Variants in NEK5 observed in about 807,000 individuals in gnomAD.
NEK5 encodes serine/threonine-protein kinase Nek5.
A neutral mutation model predicts 109.2 loss-of-function variants in NEK5; 88 were observed. The observed-to-expected ratio is 0.81, with a 90% CI of 0.68 to 0.96. The LOEUF is 0.96. NEK5 is among the 40% of genes least tolerant of loss of function. The probability of loss-of-function intolerance (pLI) is 0.00; values close to 1 mark genes in which losing one functional copy is unlikely to be tolerated. For synonymous variants in NEK5, 283 were observed against 299.9 expected, an observed-to-expected ratio of 0.94 and a Z score of 0.58; for missense variants, 834 against 920.7, an observed-to-expected ratio of 0.91 and a Z score of 1.22.
chr13:52,072,109 T>C (rs377669657), intron 19 of NEK5, 39 bp from the exon 20 acceptor site: 36 of 1,548,972 alleles, frequency 2.3e-5, no homozygotes, highest in South Asian at 4.7e-5. Flanking sequence ...AAATTAGCCA[T>C]ATTTTGAAAG....
intron 12 of NEK5, among the ~76,000 whole-genome samples, chr13:52,096,293 G>A (rs111944623): frequency 0.1 from 15,295 of 152,184 alleles, 751 homozygotes; most frequent in Admixed American, 0.12. Flanking sequence ...TTGGAACTGG[G>A]TAATGGGCGG....
chr13:52,049,671 A>G (rs1954487752), intron 23 of NEK5, among the ~76,000 whole-genome samples: 1 of 151,914 alleles, frequency 6.6e-6, no homozygotes, highest in South Asian at 2.1e-4. Flanking sequence ...TGAACTAAAA[A>G]AAAAAAAAAA....
chr13:52,086,732 G>A (rs1013163203), intron 15 of NEK5, among the ~76,000 whole-genome samples: 9 of 152,182 alleles, frequency 5.9e-5, no homozygotes, highest in African/African-American at 2.2e-4. Context: ...AAACAGGGTC[G>A]CTGCAGATGA....
At chr13:52,128,563 C>T (rs545107351) in intron 1 of NEK5, among the ~76,000 whole-genome samples, 1 of 152,182 alleles carries the variant, frequency 6.6e-6, no homozygotes, top group African/African-American at 2.4e-5. Context: ...AATAATTTTA[C>T]GTCAGGGTGG....
At chr13:52,047,741 G>T (rs1417346483) in intron 23 of NEK5, among the ~76,000 whole-genome samples, 1 of 152,148 alleles carries the variant, frequency 6.6e-6, no homozygotes, top group Non-Finnish European at 1.5e-5. Flanking sequence ...CTATTCTGGA[G>T]CCTGAGGCAA....
rs1955830524 is a variant in NEK5, at chr13:52,115,170, T to C, written c.215-2805A>G. 2.6e-5 allele frequency among the ~76,000 whole-genome samples: 4 copies of C among 151,248 alleles called. No individual in the cohort carries two copies. The South Asian group carries it at 6.4e-4, about 24-fold the overall frequency. On this transcript the variant is annotated intron_variant, in intron 4 of 23. Transcript: ENST00000684899. ...CTGGGACTACAGGCGCCCGCCACCATGCCCGGCTAATTTTTTGTATTTTTA... is the reference window on the plus strand; with the variant it reads ...CTGGGACTACAGGCGCCCGCCACCACGCCCGGCTAATTTTTTGTATTTTTA...
chr13:52,094,696 C>T (rs1192638283), intron 12 of NEK5, among the ~76,000 whole-genome samples: 1 of 152,152 alleles, frequency 6.6e-6, no homozygotes, highest in Non-Finnish European at 1.5e-5. Flanking sequence ...ATGGCACAAA[C>T]CCGGGAGGCG....
intron 22 of NEK5, among the ~76,000 whole-genome samples, chr13:52,057,988 A>G (rs899700591): frequency 2.0e-5 from 3 of 152,164 alleles, no homozygotes; most frequent in African/African-American, 7.2e-5. Flanking sequence ...AGAGTATTCA[A>G]TTAGGAAAAG....
chr13:52,079,352 C>A (rs893837852), intron 17 of NEK5, among the ~76,000 whole-genome samples: 1 of 151,896 alleles, frequency 6.6e-6, no homozygotes, highest in Non-Finnish European at 1.5e-5. Flanking sequence ...GATGCCGAGC[C>A]GAAGCTGGAC....
intron 16 of NEK5, among the ~76,000 whole-genome samples, chr13:52,085,372 A>C (rs1301170694): frequency 1.3e-5 from 2 of 152,204 alleles, no homozygotes; most frequent in African/African-American, 2.4e-5. Context: ...GTATGTCTTT[A>C]TTAGCAGTAT....
chr13:52,091,377 C>T (rs983127556), intron 13 of NEK5, among the ~76,000 whole-genome samples: 20 of 152,018 alleles, frequency 1.3e-4, no homozygotes, highest in Non-Finnish European at 2.2e-4. Context: ...ACAATTTGAA[C>T]GGACAGAAGA....
At chr13:52,078,010 G>T (rs1288975058) in intron 17 of NEK5, among the ~76,000 whole-genome samples, 1 of 151,944 alleles carries the variant, frequency 6.6e-6, no homozygotes, top group African/African-American at 2.4e-5. Context: ...GCAGGCAGAG[G>T]TTGTGGTGAA....
chr13:52,122,766 CAA>C (rs1001243418), intron 3 of NEK5, among the ~76,000 whole-genome samples: 4 of 129,742 alleles, frequency 3.1e-5, no homozygotes, highest in Admixed American at 2.3e-4. Flanking sequence ...GACTCCGTCT[CAA>C]AAAAAAAAAA....
intron 12 of NEK5, among the ~76,000 whole-genome samples, chr13:52,095,057 C>T (rs917207335): frequency 2.6e-5 from 4 of 152,090 alleles, no homozygotes; most frequent in African/African-American, 9.7e-5. Context: ...ACTGGGACTA[C>T]AGGCACATGC....
chr13:52,107,794 T>C (rs1014458286), intron 8 of NEK5, among the ~76,000 whole-genome samples: 2 of 152,124 alleles, frequency 1.3e-5, no homozygotes, highest in Non-Finnish European at 2.9e-5. Flanking sequence ...AACAAGTTTA[T>C]TGGAGGTCTG....
intron 3 of NEK5, among the ~76,000 whole-genome samples, chr13:52,124,726 C>T (rs552706774): frequency 6.6e-6 from 1 of 152,284 alleles, no homozygotes; most frequent in African/African-American, 2.4e-5. Context: ...ATTTTTGGCA[C>T]CTTCTCGATT....
intron 13 of NEK5, among the ~76,000 whole-genome samples, chr13:52,090,407 A>G (rs1324913251): frequency 6.6e-6 from 1 of 152,246 alleles, no homozygotes; most frequent in Admixed American, 6.5e-5. Context: ...GAGGCAAGTT[A>G]ATAATCAGGG....
intron 8 of NEK5, 146 bp from the exon 9 acceptor site, chr13:52,104,698 A>C: frequency 3.1e-6 from 2 of 653,086 alleles, no homozygotes; most frequent in Non-Finnish European, 5.5e-6. Flanking sequence ...TATATCATCA[A>C]TTCTTATTAG....
At position 52,110,485 on chromosome 13, in the gene NEK5, A is replaced by C; in HGVS notation, c.396+9T>G. ...CAGTTCTGTCTTAGTCTTCTCTCTG[A>C]GCTGTTACCTGAGCTTTTATGTCCC... On this transcript the variant is annotated intron_variant, in intron 6 of 23. Coordinates refer to ENST00000684899, the MANE Select transcript of NEK5 (RefSeq NM_001365552.1). 6.2e-7 allele frequency: 1 copy of C among 1,606,054 alleles called. No individual in the cohort carries two copies. The highest frequency in any genetic ancestry group is 8.5e-7 in the Non-Finnish European group (1 of 1,172,824).
Sources: allele counts gnomAD v4.1 joint callset (sites outside exome capture counted in the v4.1 genomes callset), GRCh38; gene constraint gnomAD v4.1.1; transcripts MANE v1.5; gene names NCBI Gene and HGNC (gene_info 2026-07-23, HGNC 2026-07-21).